APBB1IP: variants seen among roughly 807,000 people sequenced by gnomAD.
APBB1IP encodes amyloid beta precursor protein binding family B member 1 interacting protein, also known as amyloid beta A4 precursor protein-binding family B member 1-interacting protein.
Under a neutral mutation model 64.9 loss-of-function variants are expected in APBB1IP, and 27 were observed. The ratio of observed to expected loss-of-function variants is 0.42; its 90% CI spans 0.31 to 0.57. The LOEUF (loss-of-function observed/expected upper bound fraction) is 0.57, where lower values mean the gene tolerates loss of function less well. Among genes scored for constraint, APBB1IP ranks in the 20% least tolerant of loss-of-function variants. APBB1IP has a pLI of 0.20. For synonymous variants in APBB1IP, 392 were observed against 331.0 expected (o/e 1.18, Z -2.00); for missense variants, 812 against 845.5 (o/e 0.96, Z 0.49).
chr10:26,535,745 C>A (rs527589104), intron 9 of APBB1IP, among the ~76,000 whole-genome samples: 1 of 152,038 alleles, frequency 6.6e-6, no homozygotes, highest in African/African-American at 2.4e-5. Flanking sequence ...TACAATATGC[C>A]GAGACTGTAC....
At chr10:26,481,738 T>C (rs771790686) in intron 2 of APBB1IP, among the ~76,000 whole-genome samples, 1 of 151,984 alleles carries the variant, frequency 6.6e-6, no homozygotes, top group Non-Finnish European at 1.5e-5. Flanking sequence ...TCCTCCCACC[T>C]CTGCCTCCCA....
chr10:26,444,644 A>G (rs1362211293), intron 2 of APBB1IP, among the ~76,000 whole-genome samples: 1 of 152,302 alleles, frequency 6.6e-6, no homozygotes, highest in East Asian at 1.9e-4. Context: ...TCAATTTTGG[A>G]TGTAGATATG....
At chr10:26,518,674 T>C (rs1287504654) in intron 8 of APBB1IP, among the ~76,000 whole-genome samples, 1 of 152,240 alleles carries the variant, frequency 6.6e-6, no homozygotes, top group Non-Finnish European at 1.5e-5. Context: ...CCAGTGATTG[T>C]AGCATCTTGT....
rs867999642 is a variant in APBB1IP at position 26,506,260 on chromosome 10, G to T, written c.531+2986G>T. Among the ~76,000 whole-genome samples, 453 of 135,704 alleles carry T rather than the reference G, an allele frequency of 3.3e-3. 8 individuals carry two copies. Among genetic ancestry groups the T allele is most frequent in the African/African-American group, 0.011 (401 of 36,776 alleles). 89.0% of individuals were successfully genotyped at this position (135,704 alleles called of 152,430 possible). On this transcript the variant is annotated intron_variant, in intron 6 of 14. Coordinates refer to ENST00000376236, the MANE Select transcript of APBB1IP (RefSeq NM_019043.4). ...ACTACCGTGTGTGTGTGGGGGGGGG[G>T]GGTGGGGGGCAAGGTCTTGCTCTGT...
chr10:26,524,955 C>CTTTCTTTTTTT (rs747655095), intron 8 of APBB1IP, among the ~76,000 whole-genome samples: 34 of 73,950 alleles, frequency 4.6e-4, no homozygotes, highest in South Asian at 2.5e-3. Flanking sequence ...TTCTTTCTTT[C>CTTTCTTTTTTT]TTTTTTTTTT....
At chr10:26,540,190 T>G (rs928291566) in intron 10 of APBB1IP, among the ~76,000 whole-genome samples, 1 of 152,232 alleles carries the variant, frequency 6.6e-6, no homozygotes. Context: ...AATAAATCGT[T>G]ACACCTGTAC....
chr10:26,482,960 C>T (rs895373287), intron 2 of APBB1IP, among the ~76,000 whole-genome samples: 1 of 150,234 alleles, frequency 6.7e-6, no homozygotes, highest in African/African-American at 2.5e-5. Flanking sequence ...TCATGGTGGC[C>T]GGTGCCTGTA....
chr10:26,444,836 C>T (rs987320359), intron 2 of APBB1IP, among the ~76,000 whole-genome samples: 9 of 152,204 alleles, frequency 5.9e-5, no homozygotes, highest in South Asian at 4.1e-4. Context: ...TGGTGGCTCA[C>T]GCCTGTAATC....
chr10:26,508,122 C>T (rs974937980), intron 6 of APBB1IP, among the ~76,000 whole-genome samples: 14 of 152,316 alleles, frequency 9.2e-5, no homozygotes, highest in African/African-American at 2.4e-5. Flanking sequence ...ATAACAGACA[C>T]GCTCATGCAT....
At chr10:26,488,620 AT>A (rs1279600800) in intron 2 of APBB1IP, among the ~76,000 whole-genome samples, 1 of 152,212 alleles carries the variant, frequency 6.6e-6, no homozygotes, top group East Asian at 1.9e-4. Flanking sequence ...ATGACTCCTC[AT>A]GCTGACTTCC....
chr10:26,550,091 C>T (rs1411402827), intron 11 of APBB1IP, among the ~76,000 whole-genome samples: 2 of 151,580 alleles, frequency 1.3e-5, no homozygotes, highest in African/African-American at 4.8e-5. Flanking sequence ...TCTTTCTTGG[C>T]CTGCAAGGTT....
intron 11 of APBB1IP, among the ~76,000 whole-genome samples, chr10:26,543,537 A>G (rs1836724265): frequency 6.6e-6 from 1 of 151,662 alleles, no homozygotes; most frequent in Non-Finnish European, 1.5e-5. Flanking sequence ...GACAAGGATT[A>G]TTATTATCAT....
chr10:26,462,175 C>A (rs1338366465), intron 2 of APBB1IP, among the ~76,000 whole-genome samples: 2 of 152,182 alleles, frequency 1.3e-5, no homozygotes, highest in Non-Finnish European at 2.9e-5. Flanking sequence ...GAAGTATTTG[C>A]TGTCTTGTCC....
rs2132442899 is a variant in APBB1IP, at chr10:26,507,916, G to A, written c.532-3831G>A. Among the ~76,000 whole-genome samples, 3 of 152,266 alleles carry A rather than the reference G, an allele frequency of 2.0e-5. No individual in the cohort carries two copies. The East Asian group carries it at 5.8e-4, about 29-fold the overall frequency. ...GCCATATATCAGACAGTGAGAAAGT[G>A]TTGCCATGATTTAGTTTAGATGAAT... On this transcript the variant is annotated intron_variant, in intron 6 of 14. Coordinates refer to ENST00000376236, the MANE Select transcript of APBB1IP (RefSeq NM_019043.4).
intron 6 of APBB1IP, chr10:26,509,673 G>A (rs1299570431): frequency 6.6e-6 from 1 of 152,206 alleles, no homozygotes; most frequent in Non-Finnish European, 1.5e-5. Context: ...GTACTTGGAT[G>A]GGAGGTAGGA....
chr10:26,510,001 G>A (rs771212720), intron 6 of APBB1IP, among the ~76,000 whole-genome samples: 9 of 151,950 alleles, frequency 5.9e-5, no homozygotes, highest in Non-Finnish European at 1.2e-4. Flanking sequence ...ACAGAGTCTC[G>A]CTCCACCCCC....
intron 6 of APBB1IP, among the ~76,000 whole-genome samples, chr10:26,510,766 A>ACG (rs1313246997): frequency 1.3e-5 from 2 of 151,704 alleles, no homozygotes; most frequent in Non-Finnish European, 2.9e-5. Flanking sequence ...ACACACACAC[A>ACG]CACACACACA....
chr10:26,505,395 A>T (rs965895330), intron 6 of APBB1IP, among the ~76,000 whole-genome samples: 6 of 151,928 alleles, frequency 3.9e-5, no homozygotes, highest in African/African-American at 1.2e-4. Context: ...CATCATTGGA[A>T]CTCCACGTCC....
chr10:26,473,284 G>A (rs560232068), intron 2 of APBB1IP, among the ~76,000 whole-genome samples: 12 of 152,312 alleles, frequency 7.9e-5, no homozygotes, highest in African/African-American at 2.2e-4. Context: ...TGCTAGGTAG[G>A]CATTTGGTAC....
Sources: allele counts gnomAD v4.1 joint callset (sites outside exome capture counted in the v4.1 genomes callset), GRCh38; gene constraint gnomAD v4.1.1; transcripts MANE v1.5; gene names NCBI Gene and HGNC (gene_info 2026-07-23, HGNC 2026-07-21).